Variants in NRCAM observed in about 807,000 individuals in gnomAD.
NRCAM encodes neuronal cell adhesion molecule, also known as NgCAM-related cell adhesion molecule.
A neutral mutation model predicts 156.5 loss-of-function variants in NRCAM; 83 were observed. That is an observed-to-expected ratio of 0.53 (90% confidence interval 0.44 to 0.64). The LOEUF (loss-of-function observed/expected upper bound fraction) is 0.64, where lower values mean the gene tolerates loss of function less well. NRCAM is among the 30% of genes least tolerant of loss of function. The pLI is 0.00. For synonymous variants in NRCAM, 538 were observed against 563.9 expected, an observed-to-expected ratio of 0.95 and a Z score of 0.65; for missense variants, 1,417 against 1,597.3, an observed-to-expected ratio of 0.89 and a Z score of 1.92.
chr7:108,239,747 AG>A (rs1409859785), intron 4 of NRCAM, among the ~76,000 whole-genome samples: 1 of 152,210 alleles, frequency 6.6e-6, no homozygotes, highest in Non-Finnish European at 1.5e-5. Context: ...GGAGAATGAC[AG>A]GGAGGGAATT....
intron 3 of NRCAM, among the ~76,000 whole-genome samples, chr7:108,259,579 A>C (rs2096813396): frequency 6.6e-6 from 1 of 152,244 alleles, no homozygotes; most frequent in Non-Finnish European, 1.5e-5. Context: ...AATAGCAAGG[A>C]GATGGAATCA....
At chr7:108,258,154 C>A (rs1223719700) in intron 3 of NRCAM, among the ~76,000 whole-genome samples, 2 of 152,170 alleles carry the variant, frequency 1.3e-5, no homozygotes, top group Admixed American at 6.5e-5. Context: ...GAAATTCTGC[C>A]AGTTTCCTTC....
intron 2 of NRCAM, among the ~76,000 whole-genome samples, chr7:108,350,749 T>C (rs2099406350): frequency 1.3e-5 from 2 of 152,228 alleles, no homozygotes; most frequent in South Asian, 2.1e-4. Context: ...TTCTTTTTTT[T>C]CTTCTTCTTT....
At chr7:108,379,132 A>G (rs956945383) in intron 2 of NRCAM, among the ~76,000 whole-genome samples, 5 of 152,182 alleles carry the variant, frequency 3.3e-5, no homozygotes, top group Admixed American at 1.3e-4. Flanking sequence ...CCAAACACCT[A>G]GAAACACTAG....
chr7:108,231,125 A>T lies in NRCAM; in HGVS notation c.456T>A (p.Leu152=). 1 of 1,605,458 alleles carries T rather than the reference A, an allele frequency of 6.2e-7. No individual in the cohort carries two copies. Among genetic ancestry groups the T allele is most frequent in the Non-Finnish European group, 8.5e-7 (1 of 1,176,928 alleles). ...SRSPLWTKEK[L]EPITLQSGQS... ...GACCACTTTGAAGTGTGATTGGTTC[A>T]AGTTTTTCTTTGGTCCACAATGGTG... The change falls in exon 8 of 33, where the codon CTT becomes CTA. Residue 152 remains leucine, a synonymous_variant. Coordinates refer to ENST00000379028, the MANE Select transcript of NRCAM (RefSeq NM_001037132.4).
At chr7:108,238,581 T>C (rs1021306735) in intron 4 of NRCAM, among the ~76,000 whole-genome samples, 2 of 152,178 alleles carry the variant, frequency 1.3e-5, no homozygotes, top group African/African-American at 4.8e-5. Flanking sequence ...GAGTTAGCCA[T>C]AGGTGACTGT....
At chr7:108,158,532 T>C (rs1005881991) in intron 32 of NRCAM, among the ~76,000 whole-genome samples, 2 of 152,080 alleles carry the variant, frequency 1.3e-5, no homozygotes, top group African/African-American at 4.8e-5. Context: ...ATAAATATCT[T>C]CTCTACAAAT....
chr7:108,165,314 G>C (rs1369806018), intron 30 of NRCAM, among the ~76,000 whole-genome samples: 8 of 152,142 alleles, frequency 5.3e-5, no homozygotes, highest in Non-Finnish European at 1.0e-4. Flanking sequence ...TTCCTACTGG[G>C]CGACCTGGCA....
At chr7:108,427,477 T>A (rs930790580) in intron 1 of NRCAM, among the ~76,000 whole-genome samples, 10 of 152,252 alleles carry the variant, frequency 6.6e-5, no homozygotes, top group African/African-American at 9.6e-5. Context: ...TCAAGTTTTT[T>A]GAGACATTGA....
intron 2 of NRCAM, among the ~76,000 whole-genome samples, chr7:108,341,904 T>C (rs2099283426): frequency 6.6e-6 from 1 of 152,060 alleles, no homozygotes; most frequent in African/African-American, 2.4e-5. Context: ...TACCCAGCTG[T>C]ACCTAACCCT....
At chr7:108,223,461 T>C (rs1018251092) in intron 11 of NRCAM, among the ~76,000 whole-genome samples, 7 of 152,156 alleles carry the variant, frequency 4.6e-5, no homozygotes, top group African/African-American at 1.7e-4. Context: ...ATTAACAAAA[T>C]ATTTTAACAA....
At chr7:108,303,042 A>T (rs1288432216) in intron 3 of NRCAM, among the ~76,000 whole-genome samples, 1 of 152,006 alleles carries the variant, frequency 6.6e-6, no homozygotes, top group South Asian at 2.1e-4. Flanking sequence ...GCTCACTGCA[A>T]CCTCTGCCTC....
chr7:108,347,460 T>C (rs916124677), intron 2 of NRCAM, among the ~76,000 whole-genome samples: 3 of 152,174 alleles, frequency 2.0e-5, no homozygotes, highest in Non-Finnish European at 4.4e-5. Flanking sequence ...AAACTCTGTC[T>C]AGGCTAATCA....
At chr7:108,440,182 C>G (rs1040873529) in intron 1 of NRCAM, among the ~76,000 whole-genome samples, 1 of 152,178 alleles carries the variant, frequency 6.6e-6, no homozygotes, top group East Asian at 1.9e-4. Flanking sequence ...ACCACTGATA[C>G]GTGTTACAAC....
intron 11 of NRCAM, among the ~76,000 whole-genome samples, chr7:108,210,069 T>C (rs2083244719): frequency 6.6e-6 from 1 of 152,236 alleles, no homozygotes; most frequent in Non-Finnish European, 1.5e-5. Context: ...TACATTTCCA[T>C]ATCAAATGGA....
chr7:108,394,084 A>T (rs1596303071), intron 2 of NRCAM, among the ~76,000 whole-genome samples: 1 of 152,244 alleles, frequency 6.6e-6, no homozygotes, highest in Admixed American at 6.5e-5. Context: ...GAACTGAGTC[A>T]AGAGCCTTTG....
chr7:108,416,052 T>G (rs918780264), intron 1 of NRCAM, among the ~76,000 whole-genome samples: 4 of 148,508 alleles, frequency 2.7e-5, no homozygotes, highest in African/African-American at 1.1e-4. Flanking sequence ...CTGCAAACAT[T>G]TCAGAAACAT....
chr7:108,226,095 C>A, intron 9 of NRCAM, 113 bp downstream of exon 9: 1 of 713,480 alleles, frequency 1.4e-6, no homozygotes, highest in Non-Finnish European at 2.3e-6. Context: ...TCATGGGTGG[C>A]TTCCTGATAA....
chr7:108,219,928 A>T (rs2091523964), intron 11 of NRCAM, among the ~76,000 whole-genome samples: 1 of 152,188 alleles, frequency 6.6e-6, no homozygotes, highest in Admixed American at 6.5e-5. Context: ...TTTGCTGATG[A>T]TATGATCATT....
Sources: allele counts gnomAD v4.1 joint callset (sites outside exome capture counted in the v4.1 genomes callset), GRCh38; gene constraint gnomAD v4.1.1; transcripts MANE v1.5; gene names NCBI Gene and HGNC (gene_info 2026-07-23, HGNC 2026-07-21).